The following CDYL variants were observed in gnomAD, a reference collection of about 807,000 sequenced individuals.
CDYL encodes chromodomain Y-like protein.
A neutral mutation model predicts 47.3 loss-of-function variants in CDYL; 8 were observed. That is an observed-to-expected ratio of 0.17 (90% CI 0.10 to 0.31). The LOEUF (loss-of-function observed/expected upper bound fraction) is 0.31. Ranked by LOEUF, CDYL falls within the 10% of genes least tolerant of loss-of-function variation. The probability of loss-of-function intolerance (pLI) is 1.00; values close to 1 mark genes in which losing one functional copy is unlikely to be tolerated. For synonymous variants in CDYL, 266 were observed against 265.0 expected, an observed-to-expected ratio of 1.00 and a Z score of -0.04; for missense variants, 471 against 701.4, an observed-to-expected ratio of 0.67 and a Z score of 3.71.
At chr6:4,830,363 A>G (rs938898829) in intron 1 of CDYL, among the ~76,000 whole-genome samples, 10 of 152,230 alleles carry the variant, frequency 6.6e-5, no homozygotes, top group South Asian at 2.1e-4. Flanking sequence ...CTCTTCTGCC[A>G]TAAGTACAGA....
chr6:4,865,266 G>A (rs1479709222), intron 1 of CDYL, among the ~76,000 whole-genome samples: 1 of 151,804 alleles, frequency 6.6e-6, no homozygotes, highest in South Asian at 2.1e-4. Flanking sequence ...CTCCCTTCCC[G>A]CCAAACTACT....
chr6:4,711,018 T>C (rs574908927), intron 1 of CDYL, among the ~76,000 whole-genome samples: 9 of 152,098 alleles, frequency 5.9e-5, no homozygotes, highest in Non-Finnish European at 1.3e-4. Context: ...GGATATGTAC[T>C]GCAAAATGCC....
intron 3 of CDYL, among the ~76,000 whole-genome samples, chr6:4,771,170 G>C (rs1172753438): frequency 6.6e-6 from 1 of 152,012 alleles, no homozygotes; most frequent in Non-Finnish European, 1.5e-5. Flanking sequence ...CTGGAGTGCA[G>C]TGGTGCTATC....
intron 2 of CDYL, among the ~76,000 whole-genome samples, chr6:4,920,054 A>G (rs1165613753): frequency 2.0e-5 from 3 of 152,238 alleles, no homozygotes; most frequent in Admixed American, 6.5e-5. Flanking sequence ...ATGCTGCAAT[A>G]TGGATGAACC....
intron 4 of CDYL, among the ~76,000 whole-genome samples, chr6:4,943,137 G>C (rs1758409988): frequency 6.6e-6 from 1 of 152,192 alleles, no homozygotes; most frequent in Non-Finnish European, 1.5e-5. Flanking sequence ...CCCTGGGCCA[G>C]ATTTCCTCTG....
chr6:4,878,550 A>G (rs565326896), intron 1 of CDYL, among the ~76,000 whole-genome samples: 1 of 152,004 alleles, frequency 6.6e-6, no homozygotes, highest in Non-Finnish European at 1.5e-5. Context: ...GAACATGTCT[A>G]CTTTTACGAT....
intron 2 of CDYL, among the ~76,000 whole-genome samples, chr6:4,718,006 C>T (rs9378906): frequency 0.13 from 19,261 of 151,788 alleles, 1,480 homozygotes; most frequent in African/African-American, 0.23. Flanking sequence ...CCACCACACC[C>T]GGCTGATTTT....
rs964299324 is a variant in CDYL at position 4,715,986 on chromosome 6, C to G, written c.103+105C>G. 1.5e-4 allele frequency: 221 copies of G among 1,477,022 alleles called. 1 individual carries two copies. Among genetic ancestry groups the G allele is most frequent in the Non-Finnish European group, 2.0e-4 (216 of 1,105,016 alleles). 91.5% of individuals were successfully genotyped at this position (1,477,022 alleles called of 1,614,324 possible). A position where few individuals can be genotyped will look rare whatever the true frequency, so the allele number is the denominator to read the frequency against. On this transcript the variant is annotated intron_variant, in intron 2 of 8. Coordinates refer to the CDYL transcript ENST00000328908. ...TTTACTGGCCGGGCACGGTGGCTCA[C>G]GCCTATAATCCCAGCACTTTGGGAG...
chr6:4,788,569 C>G (rs1300689787), intron 1 of CDYL, among the ~76,000 whole-genome samples: 1 of 151,236 alleles, frequency 6.6e-6, no homozygotes, highest in Non-Finnish European at 1.5e-5. Context: ...AAAAGGAACC[C>G]TTGGGGCAAA....
chr6:4,780,396 ACGCCCCCCCCCCCCCGCCCC>A (rs1271245475), intron 1 of CDYL, among the ~76,000 whole-genome samples: 2 of 7,374 alleles, frequency 2.7e-4, no homozygotes, highest in Non-Finnish European at 6.0e-4. Context: ...ACCCCCGCCT[ACGCCCCCCCCCCCCCGCCCC>A]CGCCCCCGCC....
intron 2 of CDYL, among the ~76,000 whole-genome samples, chr6:4,896,616 C>G (rs77601203): frequency 0.049 from 7,512 of 152,198 alleles, 672 homozygotes; most frequent in African/African-American, 0.17. Context: ...CCCTCGTTCG[C>G]CCTCTGGCAC....
intron 2 of CDYL, among the ~76,000 whole-genome samples, chr6:4,900,441 T>A (rs1296736171): frequency 6.6e-6 from 1 of 152,148 alleles, no homozygotes; most frequent in East Asian, 1.9e-4. Context: ...CATATATGTT[T>A]ATACACACAT....
chr6:4,939,269 T>G (rs1340469510), intron 4 of CDYL, among the ~76,000 whole-genome samples: 1 of 152,080 alleles, frequency 6.6e-6, no homozygotes, highest in Non-Finnish European at 1.5e-5. Flanking sequence ...ACAGCAGGAT[T>G]GGTGTGGTGG....
At chr6:4,794,840 G>T (rs1433516126) in intron 1 of CDYL, among the ~76,000 whole-genome samples, 1 of 152,118 alleles carries the variant, frequency 6.6e-6, no homozygotes, top group Non-Finnish European at 1.5e-5. Context: ...TACATAGAAA[G>T]GCTGTTTATG....
chr6:4,906,587 A>G (rs1006771129), intron 2 of CDYL, among the ~76,000 whole-genome samples: 1 of 152,192 alleles, frequency 6.6e-6, no homozygotes. Context: ...GATTTCCGTG[A>G]TTTGAACCAC....
At chr6:4,786,829 T>G (rs981045015) in intron 1 of CDYL, among the ~76,000 whole-genome samples, 8 of 152,160 alleles carry the variant, frequency 5.3e-5, no homozygotes, top group African/African-American at 1.9e-4. Flanking sequence ...ACCCTTTTTC[T>G]CCTCCCTCTT....
rs188425302 is a variant in CDYL, at chr6:4,840,658, G to A, written c.25-51055G>A. Among the ~76,000 whole-genome samples, 309 of 152,250 alleles carry A rather than the reference G, an allele frequency of 2.0e-3. 2 individuals are homozygous for A. Among genetic ancestry groups the A allele is most frequent in the Non-Finnish European group, 3.1e-3 (209 of 68,008 alleles). ...TTTTCTGCTCTATTGAGATGATCAT[G>A]TGATTTTTATATTTTTAATTGTGTT... is the stretch of plus-strand genomic sequence containing the variant. On this transcript the variant is annotated intron_variant, in intron 1 of 6. Transcript: ENST00000397588.
chr6:4,804,556 T>C (rs1759316742), intron 1 of CDYL, among the ~76,000 whole-genome samples: 1 of 152,110 alleles, frequency 6.6e-6, no homozygotes, highest in Non-Finnish European at 1.5e-5. Flanking sequence ...TCCCCATCAG[T>C]AGGAAACGAT....
At chr6:4,812,794 G>A (rs369897887) in intron 1 of CDYL, among the ~76,000 whole-genome samples, 1 of 151,944 alleles carries the variant, frequency 6.6e-6, no homozygotes, top group South Asian at 2.1e-4. Context: ...TATGTGAAGT[G>A]TTGAGCCTTC....
Sources: gnomAD v4.1 joint callset for allele counts (sites outside exome capture counted in the v4.1 genomes callset) on GRCh38, gnomAD v4.1.1 for gene constraint, MANE v1.5 for transcripts, NCBI Gene and HGNC (gene_info 2026-07-23, HGNC 2026-07-21) for gene names.